The following ADAMTS14 variants were observed in gnomAD, a reference collection of about 807,000 sequenced individuals.
ADAMTS14 encodes ADAM metallopeptidase with thrombospondin type 1 motif 14, also known as A disintegrin and metalloproteinase with thrombospondin motifs 14.
ADAMTS14 carries 100 observed loss-of-function variants against 128.6 expected under a neutral mutation model. The ratio of observed to expected loss-of-function variants is 0.78; its 90% CI spans 0.66 to 0.92. The LOEUF (loss-of-function observed/expected upper bound fraction) is 0.92. ADAMTS14 is among the 40% of genes least tolerant of loss of function. The pLI, the probability that ADAMTS14 is intolerant of heterozygous loss-of-function variation, is 0.00. For synonymous variants in ADAMTS14, 665 were observed against 653.8 expected, an observed-to-expected ratio of 1.02 and a Z score of -0.26; for missense variants, 1,562 against 1,658.6, an observed-to-expected ratio of 0.94 and a Z score of 1.01.
intron 11 of ADAMTS14, among the ~76,000 whole-genome samples, chr10:70,739,464 A>G (rs915672757): frequency 6.6e-6 from 1 of 151,860 alleles, no homozygotes; most frequent in Non-Finnish European, 1.5e-5. Flanking sequence ...GAGTTTTAGC[A>G]TTCTGGGGGA....
chr10:70,736,821 G>A (rs1464262053), intron 10 of ADAMTS14, 28 bp downstream of exon 10: 1 of 1,601,442 alleles, frequency 6.2e-7, no homozygotes, highest in East Asian at 2.2e-5. Context: ...AGCAGGAGTG[G>A]CCTTCCTGGG....
intron 15 of ADAMTS14, among the ~76,000 whole-genome samples, chr10:70,748,703 G>A (rs16927877): frequency 0.097 from 14,136 of 146,166 alleles, 875 homozygotes; most frequent in African/African-American, 0.17. Flanking sequence ...AACTGAAGCA[G>A]TTGGCAGAGT....
intron 19 of ADAMTS14, 148 bp downstream of exon 19, chr10:70,754,155 G>A (rs1306378824): frequency 1.2e-5 from 9 of 737,248 alleles, no homozygotes; most frequent in Non-Finnish European, 1.7e-5. Flanking sequence ...TAGCTCCTAC[G>A]TACCCTGGGC....
At chr10:70,704,782 C>A (rs1346810283) in intron 3 of ADAMTS14, among the ~76,000 whole-genome samples, 1 of 151,880 alleles carries the variant, frequency 6.6e-6, no homozygotes, top group Non-Finnish European at 1.5e-5. Flanking sequence ...CACATCCATA[C>A]ACCCACACTC....
intron 15 of ADAMTS14, 112 bp from the exon 16 acceptor site, chr10:70,749,710 G>A (rs534473649): frequency 1.1e-4 from 144 of 1,349,400 alleles, no homozygotes; most frequent in African/African-American, 5.6e-4. Flanking sequence ...AGGAAAGGCC[G>A]GTGGACAGGA....
chr10:70,759,128 C>T (rs1208357746), intron 21 of ADAMTS14, among the ~76,000 whole-genome samples: 69 of 32,866 alleles, frequency 2.1e-3, no homozygotes, highest in Non-Finnish European at 3.3e-3. Flanking sequence ...CTCCAATCTT[C>T]TACTTCTCTG....
rs778438003 is a variant in ADAMTS14, at chr10:70,674,675, A to G, written c.202A>G (p.Met68Val). 3.1e-6 allele frequency: 5 copies of G among 1,613,436 alleles called. No homozygotes were observed. In the African/African-American group the frequency reaches 6.7e-5, roughly 22 times the overall value. ...SGPAAASAGS[M>V]VVDTPPTLPR... ...CCCAGCAGCAGCCTCTGCAGGGAGC[A>G]TGGTAGTGGACACGCCACCCACACT... The change falls in exon 2 of 22, where the codon ATG (methionine) becomes GTG (valine). Residue 68 changes from methionine (M) to valine (V), a missense_variant. By Grantham distance (21) the Met-to-Val change is conservative. Coordinates refer to ENST00000373207, the MANE Select transcript of ADAMTS14 (RefSeq NM_080722.4).
Position 70,760,423 on chromosome 10 carries a change from C to G in ADAMTS14, c.3242C>G (p.Ser1081Cys). The G allele has an allele frequency of 1.2e-6, 2 of 1,612,290 alleles. No homozygotes were observed. The highest frequency in any genetic ancestry group is 1.7e-6 in the Non-Finnish European group (2 of 1,179,498). ...CQMEVLDRYC[S>C]IPGYHRLCCV... ...ATGGAAGTGCTCGATCGCTACTGCT[C>G]CATTCCCGGCTACCACCGGCTCTGC... The change falls in exon 22 of 22, where the codon TCC (serine) becomes TGC (cysteine). Residue 1081 changes from serine to cysteine, a missense_variant. Physicochemically the swap from Ser to Cys is moderately radical, Grantham distance 112 (BLOSUM62 -1). Coordinates refer to ENST00000373207, the MANE Select transcript of ADAMTS14 (RefSeq NM_080722.4).
chr10:70,754,155 G>T, intron 19 of ADAMTS14, 148 bp downstream of exon 19: 1 of 737,366 alleles, frequency 1.4e-6, no homozygotes, highest in Non-Finnish European at 2.2e-6. Flanking sequence ...TAGCTCCTAC[G>T]TACCCTGGGC....
chr10:70,683,069 A>G (rs973901189), intron 2 of ADAMTS14, among the ~76,000 whole-genome samples: 4 of 152,244 alleles, frequency 2.6e-5, no homozygotes, highest in African/African-American at 9.6e-5. Context: ...AGGCACGCAC[A>G]CTGCCATTTG....
At position 70,753,767 on chromosome 10, in the gene ADAMTS14, G is replaced by A. The variant is rs374865353; in HGVS notation, c.2730-33G>A. On this transcript the variant is annotated intron_variant, in intron 18 of 21. Transcript: ENST00000373207. Reference sequence around the variant, plus strand: ...TCCTCTGGGATGAAGTGCCCCCTTGGTCTCACCTCCTCTCCTTTCACCCTG... The same window carrying A: ...TCCTCTGGGATGAAGTGCCCCCTTGATCTCACCTCCTCTCCTTTCACCCTG... 798 of 1,519,672 alleles carry A rather than the reference G, an allele frequency of 5.3e-4. 8 individuals carry two copies. The highest frequency in any genetic ancestry group is 1.6e-4 in the Admixed American group (8 of 49,008). 94.1% of individuals were successfully genotyped at this position (1,519,672 alleles called of 1,614,324 possible). A position where few individuals can be genotyped will look rare whatever the true frequency, so the allele number is the denominator to read the frequency against.
chr10:70,750,182 G>A (rs1842309920), intron 16 of ADAMTS14, among the ~76,000 whole-genome samples, 197 bp downstream of exon 16: 1 of 152,218 alleles, frequency 6.6e-6, no homozygotes, highest in Non-Finnish European at 1.5e-5. Context: ...GAGAGATAAA[G>A]ACAGTTGTCT....
chr10:70,736,273 G>C (rs919087498), intron 9 of ADAMTS14, among the ~76,000 whole-genome samples: 11 of 5,298 alleles, frequency 2.1e-3, no homozygotes, highest in Admixed American at 5.3e-3. Context: ...GTGCTGGGGT[G>C]GGGGGGGTCT....
At chr10:70,747,570 A>T (rs1842217097) in intron 15 of ADAMTS14, among the ~76,000 whole-genome samples, 2 of 152,306 alleles carry the variant, frequency 1.3e-5, no homozygotes, top group African/African-American at 4.8e-5. Flanking sequence ...ATTTCAGAAC[A>T]TTAGCAGCCC....
chr10:70,759,769 A>G (rs1842562408), intron 21 of ADAMTS14, among the ~76,000 whole-genome samples: 1 of 152,108 alleles, frequency 6.6e-6, no homozygotes, highest in Non-Finnish European at 1.5e-5. Context: ...GTCTAGCCTG[A>G]CCCTGGCTGG....
intron 4 of ADAMTS14, among the ~76,000 whole-genome samples, chr10:70,715,769 C>A (rs1407248795): frequency 6.6e-6 from 1 of 152,132 alleles, no homozygotes; most frequent in African/African-American, 2.4e-5. Context: ...GCTGGCCTGG[C>A]CTGAAACGTG....
At chr10:70,706,572 A>G (rs1018240538) in intron 3 of ADAMTS14, among the ~76,000 whole-genome samples, 1 of 152,156 alleles carries the variant, frequency 6.6e-6, no homozygotes, top group African/African-American at 2.4e-5. Context: ...CACCAGGGCC[A>G]CCAGAAGCTG....
chr10:70,675,568 C>T (rs1005015144), intron 2 of ADAMTS14, among the ~76,000 whole-genome samples: 3 of 152,126 alleles, frequency 2.0e-5, no homozygotes, highest in African/African-American at 4.8e-5. Flanking sequence ...TTCCTCTTCT[C>T]CTCCCTGTCT....
intron 3 of ADAMTS14, among the ~76,000 whole-genome samples, chr10:70,708,051 G>A (rs1226223383): frequency 6.6e-6 from 1 of 152,246 alleles, no homozygotes; most frequent in Non-Finnish European, 1.5e-5. Flanking sequence ...GGGCAGAGCA[G>A]CGATGGTGAA....
Sources: gnomAD v4.1 joint callset for allele counts (sites outside exome capture counted in the v4.1 genomes callset) on GRCh38, gnomAD v4.1.1 for gene constraint, MANE v1.5 for transcripts, NCBI Gene and HGNC (gene_info 2026-07-23, HGNC 2026-07-21) for gene names.